GAS7: variants seen among roughly 807,000 people sequenced by gnomAD.
The protein encoded by GAS7 is growth arrest specific 7.
In GAS7, 28 loss-of-function variants were observed where a neutral mutation model predicts 71.1. The observed-to-expected ratio is 0.39, with a 90% CI of 0.29 to 0.54. The LOEUF (loss-of-function observed/expected upper bound fraction) is 0.54. Among genes scored for constraint, GAS7 ranks in the 20% least tolerant of loss-of-function variants. The pLI is 0.62. For missense variants in GAS7, 436 were observed against 627.8 expected (o/e 0.69, Z 3.27); for synonymous variants, 258 against 245.8 (o/e 1.05, Z -0.46).
At chr17:10,063,289 T>G (rs1273636898) in intron 1 of GAS7, among the ~76,000 whole-genome samples, 1 of 152,236 alleles carries the variant, frequency 6.6e-6, no homozygotes, top group African/African-American at 2.4e-5. Flanking sequence ...CGCACGCGTT[T>G]GTGTGTCTGT....
chr17:10,046,845 G>GAAGGAAGGAAGGAAAGA, intron 1 of GAS7, among the ~76,000 whole-genome samples: 1 of 108,536 alleles, frequency 9.2e-6, no homozygotes, highest in Non-Finnish European at 1.8e-5. Flanking sequence ...AGGAAGGAAG[G>GAAGGAAGGAAGGAAAGA]AAAGAAAAGA....
chr17:9,966,395 G>A (rs1189084707), intron 4 of GAS7, among the ~76,000 whole-genome samples: 1 of 152,106 alleles, frequency 6.6e-6, no homozygotes, highest in Non-Finnish European at 1.5e-5. Context: ...TGAGATCTGG[G>A]GCTTTCCAGT....
In GAS7 at chr17:9,918,138, C is replaced by A. The variant is rs775354136; in HGVS notation, c.1219-39G>T. On this transcript the variant is annotated intron_variant, in intron 12 of 13. Coordinates refer to ENST00000432992, the MANE Select transcript of GAS7 (RefSeq NM_201433.2). ...AAAGGCCAGAGAACTCTGAGCACGTCCCCTCCACTTGGGGGTCCCCCCACC... is the reference window on the plus strand; with the variant it reads ...AAAGGCCAGAGAACTCTGAGCACGTACCCTCCACTTGGGGGTCCCCCCACC... The A allele has an allele frequency of 2.7e-6, 4 of 1,474,894 alleles. No individual in the cohort carries two copies. In the South Asian group the frequency reaches 4.6e-5, roughly 17 times the overall value. 91.4% of individuals were successfully genotyped at this position (1,474,894 alleles called of 1,614,324 possible). A position where few individuals can be genotyped will look rare whatever the true frequency, so the allele number is the denominator to read the frequency against.
chr17:10,112,171 C>G (rs1202798514), intron 1 of GAS7, among the ~76,000 whole-genome samples: 1 of 152,186 alleles, frequency 6.6e-6, no homozygotes, highest in Admixed American at 6.5e-5. Context: ...CTTAGAAAAG[C>G]CTGGGAGCAG....
chr17:9,960,413 C>A (rs1341862500), intron 4 of GAS7, among the ~76,000 whole-genome samples: 1 of 152,102 alleles, frequency 6.6e-6, no homozygotes, highest in East Asian at 1.9e-4. Context: ...TGGTCTCGAA[C>A]TTTTGACCTC....
chr17:9,978,030 G>C (rs112885489), intron 3 of GAS7, among the ~76,000 whole-genome samples: 5,677 of 152,146 alleles, frequency 0.037, 302 homozygotes, highest in African/African-American at 0.12. Context: ...GGGCAATATA[G>C]TGGGATCTTG....
At chr17:10,122,807 T>A (rs531736951) in intron 1 of GAS7, among the ~76,000 whole-genome samples, 6 of 152,256 alleles carry the variant, frequency 3.9e-5, no homozygotes, top group African/African-American at 1.4e-4. Flanking sequence ...AAACATAAAA[T>A]AAATAAAATG....
At chr17:10,028,849 G>A (rs984617076) in intron 1 of GAS7, among the ~76,000 whole-genome samples, 1 of 152,272 alleles carries the variant, frequency 6.6e-6, no homozygotes, top group Middle Eastern at 3.4e-3. Context: ...AACGAGAATT[G>A]TTTTTTCCCC....
intron 1 of GAS7, among the ~76,000 whole-genome samples, chr17:10,061,774 G>A (rs935573104): frequency 6.6e-6 from 1 of 152,012 alleles, no homozygotes; most frequent in African/African-American, 2.4e-5. Context: ...GAACTGTGCT[G>A]GGCGTTCCCA....
chr17:10,064,645 C>T lies in GAS7; in HGVS notation c.184-44748G>A, dbSNP rs192447775. 3.9e-5 allele frequency among the ~76,000 whole-genome samples: 6 copies of T among 152,308 alleles called. No individual in the cohort carries two copies. In the South Asian group the frequency reaches 6.2e-4, roughly 16 times the overall value. ...GCAAGCCTGAAGCTGCTGATGGTCACGCTGACAACTCGCAGAAGTCTCACT... is the reference window on the plus strand; with the variant it reads ...GCAAGCCTGAAGCTGCTGATGGTCATGCTGACAACTCGCAGAAGTCTCACT... On this transcript the variant is annotated intron_variant, in intron 1 of 13. Transcript: ENST00000432992.
intron 2 of GAS7, among the ~76,000 whole-genome samples, chr17:9,993,592 T>A (rs1003692140): frequency 1.3e-5 from 2 of 151,800 alleles, no homozygotes; most frequent in Non-Finnish European, 2.9e-5. Context: ...GGGCAAAAAC[T>A]GGAAGCATTC....
At chr17:9,944,151 C>T (rs2068705303) in intron 6 of GAS7, among the ~76,000 whole-genome samples, 1 of 152,104 alleles carries the variant, frequency 6.6e-6, no homozygotes. Flanking sequence ...TACCAAATGC[C>T]CCTTCCCTGC....
At chr17:10,183,290 C>T (rs11657191) in intron 1 of GAS7, among the ~76,000 whole-genome samples, 22,690 of 152,006 alleles carry the variant, frequency 0.15, 1,999 homozygotes, top group East Asian at 0.25. Context: ...TGTGCCTCAT[C>T]GATAATGCTG....
chr17:10,176,433 G>A (rs548258726), intron 1 of GAS7, among the ~76,000 whole-genome samples: 73 of 152,120 alleles, frequency 4.8e-4, no homozygotes, highest in Non-Finnish European at 8.7e-4. Context: ...TTCAAATCCC[G>A]TACACAGCCA....
chr17:10,056,155 T>C (rs1042426241), intron 1 of GAS7, among the ~76,000 whole-genome samples: 3 of 151,936 alleles, frequency 2.0e-5, no homozygotes, highest in Non-Finnish European at 4.4e-5. Context: ...GTTAAGGAGT[T>C]TGAGACCAGT....
In GAS7 at chr17:9,939,558, C is replaced by T. The variant is rs1479645034; in HGVS notation, c.806+568G>A. On this transcript the variant is annotated intron_variant, in intron 8 of 13. Coordinates refer to ENST00000432992, the MANE Select transcript of GAS7 (RefSeq NM_201433.2). ...TCAGACCAGAGGGGATTCTGACATACTTCAACATCTGGAACGTGGCTCTTG... is the reference window on the plus strand; with the variant it reads ...TCAGACCAGAGGGGATTCTGACATATTTCAACATCTGGAACGTGGCTCTTG... Among the ~76,000 whole-genome samples the T allele has an allele frequency of 3.9e-5, 6 of 152,136 alleles. No individual in the cohort carries two copies. The East Asian group carries it at 1.2e-3, about 29-fold the overall frequency.
chr17:10,026,339 C>A lies in GAS7; in HGVS notation c.184-6442G>T, dbSNP rs969743690. The stretch of plus-strand genomic sequence containing the variant: ...GGGCCCCACACCCCCACTCCCCCCA[C>A]ACCCAGATCTATATATAACAGCTCT... On this transcript the variant is annotated intron_variant, in intron 1 of 13. Transcript: ENST00000432992. The surrounding 1 kb of genome is among the most constrained non-coding windows in gnomAD (Gnocchi z 4.5). The A allele has an allele frequency of 1.0e-6, 1 of 968,536 alleles. No homozygotes were observed. Among genetic ancestry groups the A allele is most frequent in the Non-Finnish European group, 1.2e-6 (1 of 814,444 alleles). The allele number at this position is 968,536 out of a possible 1,614,324, so 60.0% of individuals were successfully genotyped here. A position where few individuals can be genotyped will look rare whatever the true frequency, so the allele number is the denominator to read the frequency against.
intron 1 of GAS7, among the ~76,000 whole-genome samples, chr17:10,165,470 C>T (rs139399780): frequency 6.6e-6 from 1 of 152,300 alleles, no homozygotes; most frequent in African/African-American, 2.4e-5. Flanking sequence ...TTGGTGCCCT[C>T]ATCGATCTCT....
rs950405877 is a variant in GAS7 at position 10,034,465 on chromosome 17, C to T, written c.184-14568G>A. Among the ~76,000 whole-genome samples the T allele has an allele frequency of 2.6e-5, 4 of 151,968 alleles. No individual in the cohort carries two copies. Among genetic ancestry groups the T allele is most frequent in the African/African-American group, 7.3e-5 (3 of 41,356 alleles). On this transcript the variant is annotated intron_variant, in intron 1 of 13. Coordinates refer to ENST00000432992, the MANE Select transcript of GAS7 (RefSeq NM_201433.2). The surrounding 1 kb of genome is among the most constrained non-coding windows in gnomAD (Gnocchi z 4.4). ...CTGGGATTACAGGCACCTATCACCA[C>T]GCCTGGCTAATTTTTGTATTTTTAG...
Sources: allele counts gnomAD v4.1 joint callset (sites outside exome capture counted in the v4.1 genomes callset), GRCh38; gene constraint gnomAD v4.1.1; non-coding constraint Gnocchi (gnomAD v3.1); transcripts MANE v1.5; gene names NCBI Gene and HGNC (gene_info 2026-07-23, HGNC 2026-07-21).